The following MTCL1 variants were observed in gnomAD, a reference collection of about 807,000 sequenced individuals.
MTCL1 encodes microtubule cross-linking factor 1.
Under a neutral mutation model 141.4 loss-of-function variants are expected in MTCL1, and 79 were observed. That is an observed-to-expected ratio of 0.56 (90% CI 0.47 to 0.67). The LOEUF (loss-of-function observed/expected upper bound fraction) is 0.67, where lower values mean the gene tolerates loss of function less well. Among genes scored for constraint, MTCL1 ranks in the 30% least tolerant of loss-of-function variants. The pLI, the probability that MTCL1 is intolerant of heterozygous loss-of-function variation, is 0.00. For synonymous variants in MTCL1, 914 were observed against 875.8 expected (o/e 1.04, Z -0.77); for missense variants, 2,177 against 2,113.9 (o/e 1.03, Z -0.59).
chr18:8,780,523 C>G (rs190680176), intron 5 of MTCL1, among the ~76,000 whole-genome samples: 7 of 152,358 alleles, frequency 4.6e-5, no homozygotes, highest in Admixed American at 3.3e-4. Flanking sequence ...GTGGATTTCT[C>G]TGCTTTAGAG....
intron 4 of MTCL1, among the ~76,000 whole-genome samples, chr18:8,777,078 C>CA (rs372854852): frequency 2.0e-4 from 30 of 151,688 alleles, no homozygotes; most frequent in Middle Eastern, 3.4e-3. Flanking sequence ...ACTAAAAATA[C>CA]AAAAAAAATT....
At chr18:8,800,276 C>T (rs964479549) in intron 10 of MTCL1, among the ~76,000 whole-genome samples, 5 of 152,206 alleles carry the variant, frequency 3.3e-5, no homozygotes, top group African/African-American at 4.8e-5. Context: ...CGCCGAGCAC[C>T]TCGCAAGGCG....
intron 4 of MTCL1, among the ~76,000 whole-genome samples, chr18:8,754,848 A>G (rs1379731656): frequency 1.3e-5 from 2 of 152,086 alleles, no homozygotes; most frequent in African/African-American, 2.4e-5. Flanking sequence ...TAGCTCTTCA[A>G]TCTTTTTGAT....
At chr18:8,826,194 C>G in exon 15 of MTCL1, 2 of 1,610,026 alleles carry the variant, frequency 1.2e-6, no homozygotes, top group Non-Finnish European at 1.7e-6. Context: ...CAGTGACAGC[C>G]ACTCGCTGGG....
Position 8,720,503 on chromosome 18 carries a change from C to G in MTCL1, c.357+7C>G. 1 of 1,612,674 alleles carries G rather than the reference C, an allele frequency of 6.2e-7. No homozygotes were observed. Among genetic ancestry groups the G allele is most frequent in the Non-Finnish European group, 8.5e-7 (1 of 1,179,218 alleles). On this transcript the variant is annotated splice_region_variant and intron_variant, in intron 4 of 16. Transcript: ENST00000359865. ...GCTGGAGAGACTGAAAGAGGTAATCCAAAACTGTGGGGGTCCTGCCCCCTT... is the reference window on the plus strand; with the variant it reads ...GCTGGAGAGACTGAAAGAGGTAATCGAAAACTGTGGGGGTCCTGCCCCCTT...
chr18:8,815,257 T>C (rs7235186), intron 12 of MTCL1, among the ~76,000 whole-genome samples: 97,712 of 150,782 alleles, frequency 0.65, 32,015 homozygotes, highest in Non-Finnish European at 0.68. Flanking sequence ...ATTAAGAAAA[T>C]GTGGCACATA....
chr18:8,796,806 C>G (rs1350179483), intron 9 of MTCL1, among the ~76,000 whole-genome samples: 2 of 152,204 alleles, frequency 1.3e-5, no homozygotes, highest in African/African-American at 4.8e-5. Flanking sequence ...CCCTGTGAAA[C>G]CTGCATGATG....
chr18:8,779,876 A>G lies in MTCL1; in HGVS notation c.417+1984A>G, dbSNP rs562800093. ...AAATTGACCCTTGTTAGAGTATGTCATAGGATCTTGCTGCTTTAACTGACC... is the reference window on the plus strand; with the variant it reads ...AAATTGACCCTTGTTAGAGTATGTCGTAGGATCTTGCTGCTTTAACTGACC... On this transcript the variant is annotated intron_variant, in intron 5 of 16. Transcript: ENST00000359865. This position sits in a 1 kb window ranked among gnomAD's most constrained non-coding sequence, Gnocchi z 4.1. 1.3e-5 allele frequency among the ~76,000 whole-genome samples: 2 copies of G among 152,290 alleles called. No individual in the cohort carries two copies. The highest frequency in any genetic ancestry group is 4.2e-4 in the South Asian group (2 of 4,814).
At chr18:8,823,979 C>T (rs911521134) in intron 14 of MTCL1, among the ~76,000 whole-genome samples, 3 of 152,148 alleles carry the variant, frequency 2.0e-5, no homozygotes, top group Non-Finnish European at 2.9e-5. Context: ...ATCAGTATGT[C>T]CTGTAAGAAT....
At chr18:8,755,664 T>C (rs2148973112) in intron 4 of MTCL1, among the ~76,000 whole-genome samples, 1 of 152,348 alleles carries the variant, frequency 6.6e-6, no homozygotes, top group Non-Finnish European at 1.5e-5. Flanking sequence ...TTTTAGAGTC[T>C]AAACCACCTT....
chr18:8,709,098 G>A (rs1359271327), intron 1 of MTCL1, among the ~76,000 whole-genome samples: 1 of 152,236 alleles, frequency 6.6e-6, no homozygotes, highest in African/African-American at 2.4e-5. Flanking sequence ...CCCTGTGGCA[G>A]AGGCAGTAGT....
chr18:8,808,088 CTGAG>C (rs2076362541), intron 11 of MTCL1, among the ~76,000 whole-genome samples: 2 of 151,832 alleles, frequency 1.3e-5, no homozygotes, highest in Non-Finnish European at 2.9e-5. Context: ...AGCAGTGATG[CTGAG>C]CTGATAGCCC....
intron 4 of MTCL1, among the ~76,000 whole-genome samples, chr18:8,770,152 G>A (rs2096479175): frequency 6.6e-6 from 1 of 152,208 alleles, no homozygotes; most frequent in Non-Finnish European, 1.5e-5. Context: ...CTTGAATGTA[G>A]GCTTAGGGTT....
intron 4 of MTCL1, among the ~76,000 whole-genome samples, chr18:8,746,820 A>G (rs1425364419): frequency 1.3e-5 from 2 of 152,178 alleles, no homozygotes; most frequent in Non-Finnish European, 2.9e-5. Context: ...TATATCAAAC[A>G]ACAGTCATGA....
chr18:8,752,710 A>G (rs2096377992), intron 4 of MTCL1, among the ~76,000 whole-genome samples: 1 of 152,216 alleles, frequency 6.6e-6, no homozygotes, highest in Admixed American at 6.5e-5. Flanking sequence ...TCTAGAAATG[A>G]TGAAGAATCA....
chr18:8,741,412 C>A (rs1158829604), intron 4 of MTCL1, among the ~76,000 whole-genome samples: 2 of 152,138 alleles, frequency 1.3e-5, no homozygotes, highest in Non-Finnish European at 2.9e-5. Context: ...ACCTTTTATT[C>A]TATTGTTAAC....
At chr18:8,826,286 GT>G in intron 15 of MTCL1, 54 bp downstream of exon 14, 2 of 1,442,542 alleles carry the variant, frequency 1.4e-6, no homozygotes, top group Non-Finnish European at 1.9e-6. Flanking sequence ...CCCTTTAGCT[GT>G]GGGGCAGGTT....
chr18:8,777,738 A>AGT, intron 4 of MTCL1, 95 bp from the exon 4 acceptor site: 3 of 1,036,058 alleles, frequency 2.9e-6, no homozygotes, highest in South Asian at 1.5e-5. Flanking sequence ...GCCTCCGTTC[A>AGT]GTGTGTGTGT....
At chr18:8,825,698 G>C (rs747524805) in exon 15 of MTCL1, 1 of 1,614,092 alleles carries the variant, frequency 6.2e-7, no homozygotes, top group East Asian at 2.2e-5. Context: ...CCAAGCTGCA[G>C]AGGAAGCCCC....
Sources: gnomAD v4.1 joint callset for allele counts (sites outside exome capture counted in the v4.1 genomes callset) on GRCh38, gnomAD v4.1.1 for gene constraint, Gnocchi (gnomAD v3.1) non-coding constraint, MANE v1.5 for transcripts, NCBI Gene and HGNC (gene_info 2026-07-23, HGNC 2026-07-21) for gene names.